CAPN8: variants seen among roughly 807,000 people sequenced by gnomAD.
The protein encoded by CAPN8 is calpain 8, also known as calpain-8.
A neutral mutation model predicts 80.9 loss-of-function variants in CAPN8; 87 were observed. The ratio of observed to expected loss-of-function variants is 1.07; its 90% CI spans 0.90 to 1.28. CAPN8 has a LOEUF of 1.28. Among genes scored for constraint, CAPN8 ranks in the 50% most tolerant of loss-of-function variants. The pLI is 0.00. For synonymous variants in CAPN8, 299 were observed against 273.8 expected (o/e 1.09, Z -0.91); for missense variants, 757 against 702.0 (o/e 1.08, Z -0.89).
intron 7 of CAPN8, 43 bp downstream of exon 7, chr1:223,622,772 G>A (rs180991347): frequency 1.3e-4 from 185 of 1,457,006 alleles, no homozygotes; most frequent in African/African-American, 4.6e-4. Context: ...ACACCCTTCC[G>A]CAGAGGGAGA....
At chr1:223,631,866 T>C (rs942355867) in intron 2 of CAPN8, among the ~76,000 whole-genome samples, 1 of 152,162 alleles carries the variant, frequency 6.6e-6, no homozygotes, top group Non-Finnish European at 1.5e-5. Context: ...CTAAAGCTAG[T>C]GGCTTCTCAA....
rs1656551647 is a variant in CAPN8 at position 223,544,128 on chromosome 1, G to T, written c.1968C>A (p.Ser656Arg). Residue 656 changes from serine to arginine, a missense_variant, in exon 19 of 21, where the codon AGC (serine) becomes AGA (arginine). Coordinates refer to ENST00000366872, the MANE Select transcript of CAPN8 (RefSeq NM_001143962.2). Reference protein sequence around the residue: ...QQTIALRYACSKLGINFDSFV... With the variant: ...QQTIALRYACRKLGINFDSFV... ...AGCTGTCAAAGTTGATGCCAAGCTT[G>T]CTGCACGCATACCGCAGGGCAATGG... The T allele has an allele frequency of 1.4e-6, 1 of 718,250 alleles. No individual in the cohort carries two copies. Among genetic ancestry groups the T allele is most frequent in the Admixed American group, 2.0e-5 (1 of 50,008 alleles). 44.5% of individuals were successfully genotyped at this position (718,250 alleles called of 1,614,324 possible).
At chr1:223,555,521 T>A (rs1195820229) in intron 13 of CAPN8, among the ~76,000 whole-genome samples, 16 of 152,210 alleles carry the variant, frequency 1.1e-4, no homozygotes, top group Admixed American at 5.2e-4. Flanking sequence ...TCATCACACA[T>A]ATATGATTTT....
At chr1:223,627,239 A>G in intron 4 of CAPN8, 82 bp from the exon 5 acceptor site, 4 of 1,422,672 alleles carry the variant, frequency 2.8e-6, no homozygotes, top group South Asian at 2.7e-5. Flanking sequence ...CAGTGCTAGG[A>G]CATACTGTGG....
chr1:223,609,572 G>A (rs895606195), intron 11 of CAPN8, among the ~76,000 whole-genome samples: 2 of 152,164 alleles, frequency 1.3e-5, no homozygotes, highest in Non-Finnish European at 2.9e-5. Flanking sequence ...CCTGTTTGAG[G>A]CATTGATCTT....
At chr1:223,646,408 AG>A (rs1658194322) in intron 2 of CAPN8, among the ~76,000 whole-genome samples, 1 of 152,222 alleles carries the variant, frequency 6.6e-6, no homozygotes. Context: ...TGCTGATGCC[AG>A]GGCTTCCAGT....
intron 14 of CAPN8, among the ~76,000 whole-genome samples, chr1:223,552,141 C>A (rs1404393970): frequency 6.6e-6 from 1 of 152,158 alleles, no homozygotes; most frequent in Non-Finnish European, 1.5e-5. Flanking sequence ...TTCCATCTTC[C>A]CATCCTCCGC....
intron 1 of CAPN8, among the ~76,000 whole-genome samples, chr1:223,656,959 C>T (rs1393152971): frequency 6.6e-6 from 1 of 152,140 alleles, no homozygotes; most frequent in Non-Finnish European, 1.5e-5. Context: ...GCTGGGATTA[C>T]AGGCATGAGC....
In CAPN8 at chr1:223,643,399, G is replaced by A. The variant is rs115879025; in HGVS notation, c.307+10931C>T. 1.0e-2 allele frequency among the ~76,000 whole-genome samples: 1,520 copies of A among 152,340 alleles called. 14 individuals carry two copies. Among genetic ancestry groups the A allele is most frequent in the African/African-American group, 0.033 (1,372 of 41,566 alleles). On this transcript the variant is annotated intron_variant, in intron 2 of 20. Transcript: ENST00000366872. ...ATAATGGCATCTCCTAGCAAGATGA[G>A]GGTGGTCTTCCAGGCTCAAATATAC...
intron 2 of CAPN8, among the ~76,000 whole-genome samples, chr1:223,638,157 A>G (rs1657956035): frequency 6.6e-6 from 1 of 152,192 alleles, no homozygotes; most frequent in Non-Finnish European, 1.5e-5. Flanking sequence ...GAATGATACC[A>G]TATAACAACT....
At chr1:223,557,455 A>G (rs1050912087) in intron 13 of CAPN8, among the ~76,000 whole-genome samples, 12 of 152,156 alleles carry the variant, frequency 7.9e-5, no homozygotes, top group Admixed American at 3.3e-4. Context: ...GCCAGTGCCC[A>G]CTGGCCACAG....
intron 13 of CAPN8, among the ~76,000 whole-genome samples, chr1:223,556,936 C>T (rs950168080): frequency 6.6e-6 from 1 of 151,966 alleles, no homozygotes; most frequent in Non-Finnish European, 1.5e-5. Context: ...GCAACTGAGG[C>T]GAGGGGTAGG....
At chr1:223,615,665 C>T (rs2102700774) in intron 10 of CAPN8, 1 of 490,214 alleles carries the variant, frequency 2.0e-6, no homozygotes, top group South Asian at 1.5e-5. Flanking sequence ...GCTCTTGTCC[C>T]TGGGGAAGCC....
Position 223,654,354 on chromosome 1 carries a change from T to C in CAPN8, c.283A>G (p.Thr95Ala). ...CCTAGACCACCCTGACAAATGTCTG[T>C]GCGCGTGGCTCCACCAACGATAAAC... ...PQFIVGGATR[T>A]DICQGGLGDC... is the part of the protein sequence containing the mutation. The change falls in exon 2 of 21, where the codon ACA (threonine) becomes GCA (alanine). Residue 95 changes from threonine to alanine, a missense_variant. Coordinates refer to ENST00000366872, the MANE Select transcript of CAPN8 (RefSeq NM_001143962.2). 6.4e-7 allele frequency: 1 copy of C among 1,551,622 alleles called. No individual in the cohort carries two copies. Among genetic ancestry groups the C allele is most frequent in the Non-Finnish European group, 8.7e-7 (1 of 1,146,978 alleles).
At chr1:223,553,629 C>T (rs1207595189) in intron 14 of CAPN8, among the ~76,000 whole-genome samples, 1 of 152,148 alleles carries the variant, frequency 6.6e-6, no homozygotes, top group Admixed American at 6.5e-5. Context: ...AGATAAGTAG[C>T]CTCAGGACCA....
intron 2 of CAPN8, among the ~76,000 whole-genome samples, chr1:223,646,057 C>T (rs1658183292): frequency 1.3e-5 from 2 of 152,170 alleles, no homozygotes; most frequent in Non-Finnish European, 2.9e-5. Context: ...AGGGAAGATC[C>T]AATCCACTTC....
rs924314366 is a variant in CAPN8 at position 223,622,799 on chromosome 1, G to C, written c.899+16C>G. ...AGAGGGAGAGATGACTGGAGAAGCG[G>C]GGGAAAAAAACCTACTCATCGCTCC... On this transcript the variant is annotated intron_variant, in intron 7 of 20. Coordinates refer to ENST00000366872, the MANE Select transcript of CAPN8 (RefSeq NM_001143962.2). The C allele has an allele frequency of 1.3e-6, 2 of 1,547,586 alleles. No homozygotes were observed. Among genetic ancestry groups the C allele is most frequent in the Admixed American group, 3.9e-5 (2 of 50,976 alleles).
intron 13 of CAPN8, among the ~76,000 whole-genome samples, chr1:223,557,608 A>G (rs1483958776): frequency 3.9e-5 from 6 of 152,208 alleles, no homozygotes; most frequent in Admixed American, 1.3e-4. Context: ...CAAACCCTAC[A>G]TATTTATTCC....
rs567805344 is a variant in CAPN8, at chr1:223,543,959, G to T, written c.2029+108C>A. On this transcript the variant is annotated intron_variant, in intron 19 of 20. Transcript: ENST00000366872. ...AGAAGCCCTGTCTATCATTTTCTGG[G>T]TCCCTGGCCTCCTAAAGGCAATGTC... The T allele has an allele frequency of 7.8e-6, 5 of 638,606 alleles. No individual in the cohort carries two copies. In the East Asian group the frequency reaches 1.1e-4, roughly 14 times the overall value. The allele number at this position is 638,606 out of a possible 1,614,324, so 39.6% of individuals were successfully genotyped here.
Sources: gnomAD v4.1 joint callset for allele counts (sites outside exome capture counted in the v4.1 genomes callset) on GRCh38, gnomAD v4.1.1 for gene constraint, MANE v1.5 for transcripts, NCBI Gene and HGNC (gene_info 2026-07-23, HGNC 2026-07-21) for gene names.